KLHL32: variants seen among roughly 807,000 people sequenced by gnomAD.
The protein encoded by KLHL32 is kelch like family member 32.
In KLHL32, 35 loss-of-function variants were observed where a neutral mutation model predicts 64.8. That is an observed-to-expected ratio of 0.54 (90% confidence interval 0.41 to 0.72). The LOEUF (loss-of-function observed/expected upper bound fraction) is 0.72, where lower values mean the gene tolerates loss of function less well. Ranked by LOEUF, KLHL32 falls within the 30% of genes least tolerant of loss-of-function variation. KLHL32 has a pLI of 0.00. For missense variants in KLHL32, 589 were observed against 768.5 expected (o/e 0.77, Z 2.76); for synonymous variants, 259 against 281.0 (o/e 0.92, Z 0.78).
At chr6:97,050,059 A>G (rs192059327) in intron 4 of KLHL32, among the ~76,000 whole-genome samples, 4 of 152,272 alleles carry the variant, frequency 2.6e-5, no homozygotes, top group Non-Finnish European at 1.5e-5. Context: ...CTCAGAGTCT[A>G]GTTTGTGCTG....
intron 3 of KLHL32, among the ~76,000 whole-genome samples, chr6:96,988,192 G>A (rs1229295860): frequency 6.6e-6 from 1 of 152,178 alleles, no homozygotes; most frequent in Non-Finnish European, 1.5e-5. Context: ...GAAAATTTGT[G>A]CAATCTACTC....
At chr6:97,120,980 T>G (rs1798301854) in intron 7 of KLHL32, among the ~76,000 whole-genome samples, 1 of 152,192 alleles carries the variant, frequency 6.6e-6, no homozygotes, top group South Asian at 2.1e-4. Flanking sequence ...AGAAATGTAG[T>G]ATTCTACAAT....
intron 5 of KLHL32, among the ~76,000 whole-genome samples, chr6:97,082,254 G>T (rs970433690): frequency 6.6e-6 from 1 of 152,142 alleles, no homozygotes; most frequent in African/African-American, 2.4e-5. Context: ...TTCTTGATGT[G>T]GGTGTCTAGA....
chr6:96,915,887 C>T, the KLHL32 span, among the ~76,000 whole-genome samples: 1 of 152,142 alleles, frequency 6.6e-6, no homozygotes, highest in Admixed American at 6.5e-5. Flanking sequence ...GGCTTAAAAG[C>T]AGGACATAAA....
intron 3 of KLHL32, among the ~76,000 whole-genome samples, chr6:96,995,877 T>C (rs1051478763): frequency 6.6e-6 from 1 of 152,256 alleles, no homozygotes; most frequent in Non-Finnish European, 1.5e-5. Flanking sequence ...TTATGTACTA[T>C]GTGTGGCAGC....
chr6:96,910,041 C>A, the KLHL32 span, among the ~76,000 whole-genome samples: 1 of 152,186 alleles, frequency 6.6e-6, no homozygotes, highest in Non-Finnish European at 1.5e-5. Flanking sequence ...TGGAGGTGAG[C>A]CAGATTACTG....
chr6:97,080,636 T>C (rs1197769141), intron 5 of KLHL32, among the ~76,000 whole-genome samples: 2 of 152,156 alleles, frequency 1.3e-5, no homozygotes, highest in African/African-American at 2.4e-5. Context: ...GTTGAAAAGA[T>C]GATATGGTTT....
At chr6:97,013,397 G>C (rs1033896018) in intron 3 of KLHL32, among the ~76,000 whole-genome samples, 2 of 152,156 alleles carry the variant, frequency 1.3e-5, no homozygotes, top group African/African-American at 4.8e-5. Flanking sequence ...AATGGTACCT[G>C]TTTTGTTATT....
chr6:96,995,051 C>T (rs920206197), intron 3 of KLHL32, among the ~76,000 whole-genome samples: 1 of 152,160 alleles, frequency 6.6e-6, no homozygotes, highest in Non-Finnish European at 1.5e-5. Context: ...AGCCAAATCC[C>T]GTTACTTCTG....
chr6:97,092,425 T>TA (rs1297473094), intron 6 of KLHL32, among the ~76,000 whole-genome samples: 1 of 152,216 alleles, frequency 6.6e-6, no homozygotes, highest in Non-Finnish European at 1.5e-5. Flanking sequence ...GGTCCCAACT[T>TA]ACAAATTTGT....
intron 6 of KLHL32, among the ~76,000 whole-genome samples, chr6:97,098,510 G>A (rs1160485008): frequency 6.6e-6 from 1 of 151,968 alleles, no homozygotes; most frequent in African/African-American, 2.4e-5. Flanking sequence ...TACTTCAAGT[G>A]TTCTATTTTC....
At chr6:97,100,966 CTTTT>C (rs58422496) in intron 6 of KLHL32, among the ~76,000 whole-genome samples, 16,404 of 69,484 alleles carry the variant, frequency 0.24, 1,705 homozygotes, top group East Asian at 0.44. Context: ...TGCAGCCAAG[CTTTT>C]TTTTTTTTTT....
intron 1 of KLHL32, among the ~76,000 whole-genome samples, chr6:96,947,287 G>A (rs978793234): frequency 2.6e-5 from 4 of 152,152 alleles, no homozygotes; most frequent in East Asian, 1.9e-4. Context: ...TGAAGCTCAC[G>A]CTGCACAGCT....
At chr6:96,951,004 A>G (rs2128010262) in intron 1 of KLHL32, among the ~76,000 whole-genome samples, 1 of 152,350 alleles carries the variant, frequency 6.6e-6, no homozygotes, top group Non-Finnish European at 1.5e-5. Flanking sequence ...TGAACAAAAA[A>G]AAAGTACTTC....
intron 4 of KLHL32, among the ~76,000 whole-genome samples, chr6:97,063,389 C>T (rs1419248013): frequency 6.6e-6 from 1 of 152,066 alleles, no homozygotes; most frequent in Non-Finnish European, 1.5e-5. Flanking sequence ...AGAAAGAGAA[C>T]CTATAGTGAT....
the KLHL32 span, among the ~76,000 whole-genome samples, chr6:96,902,492 C>A: frequency 6.6e-6 from 1 of 152,024 alleles, no homozygotes; most frequent in Admixed American, 6.6e-5. Context: ...GCATATTGGA[C>A]CTTTGTCAGA....
intron 6 of KLHL32, among the ~76,000 whole-genome samples, chr6:97,101,856 AAC>A (rs1279101182): frequency 6.6e-6 from 1 of 152,256 alleles, no homozygotes. Context: ...TTACATCACT[AAC>A]ACACAATGTT....
At chr6:97,131,691 G>A (rs969840805) in intron 9 of KLHL32, among the ~76,000 whole-genome samples, 2 of 152,130 alleles carry the variant, frequency 1.3e-5, no homozygotes, top group East Asian at 1.9e-4. Flanking sequence ...TGGTAGGTTG[G>A]GTTAAGACAT....
intron 5 of KLHL32, among the ~76,000 whole-genome samples, chr6:97,065,388 T>C (rs1789585300): frequency 6.6e-6 from 1 of 152,226 alleles, no homozygotes; most frequent in African/African-American, 2.4e-5. Flanking sequence ...ATATCCAACT[T>C]GTCTGAGGCA....
Sources: gnomAD v4.1 joint callset for allele counts (sites outside exome capture counted in the v4.1 genomes callset) on GRCh38, gnomAD v4.1.1 for gene constraint, MANE v1.5 for transcripts, NCBI Gene and HGNC (gene_info 2026-07-23, HGNC 2026-07-21) for gene names.